SLC24A2: variants seen among roughly 807,000 people sequenced by gnomAD.
SLC24A2 encodes the protein solute carrier family 24 member 2.
SLC24A2 carries 36 observed loss-of-function variants against 62.0 expected under a neutral mutation model. That is an observed-to-expected ratio of 0.58 (90% CI 0.44 to 0.77). The LOEUF is 0.77. Ranked by LOEUF, SLC24A2 falls within the 30% of genes least tolerant of loss-of-function variation. The pLI, the probability that SLC24A2 is intolerant of heterozygous loss-of-function variation, is 0.00. For synonymous variants in SLC24A2, 358 were observed against 294.0 expected (o/e 1.22, Z -2.23); for missense variants, 846 against 817.9 (o/e 1.03, Z -0.42).
the SLC24A2 span, among the ~76,000 whole-genome samples, chr9:20,124,056 T>C: frequency 4.6e-5 from 7 of 152,334 alleles, no homozygotes; most frequent in African/African-American, 1.4e-4. Context: ...GTGAATGCAC[T>C]GAAATGAGTT....
At chr9:19,933,345 T>G in the SLC24A2 span, among the ~76,000 whole-genome samples, 2 of 152,192 alleles carry the variant, frequency 1.3e-5, no homozygotes, top group Admixed American at 1.3e-4. Context: ...AGATCACAAG[T>G]TAAGAACTTC....
the SLC24A2 span, among the ~76,000 whole-genome samples, chr9:20,167,299 A>G: frequency 1.4e-5 from 2 of 139,948 alleles, no homozygotes; most frequent in Admixed American, 6.8e-5. Context: ...TCTGTGTAGC[A>G]ATTCTGAAAA....
chr9:19,636,359 CTTT>C lies in SLC24A2; in HGVS notation c.931-14063_931-14061del, dbSNP rs1818345247. On this transcript the variant is annotated intron_variant, in intron 2 of 10. Coordinates refer to ENST00000341998, the MANE Select transcript of SLC24A2 (RefSeq NM_020344.4). ...TCTTTCTTTCTTTCTTTCTTTCTTT[CTTT>C]CTTTCTTTCTTTCTTTCTTTCTTTC... 3.6e-4 allele frequency among the ~76,000 whole-genome samples: 13 copies of C among 36,522 alleles called. 2 individuals are homozygous for C. The highest frequency in any genetic ancestry group is 6.7e-4 in the Admixed American group (2 of 3,002). 24.0% of individuals were successfully genotyped at this position (36,522 alleles called of 152,430 possible).
At chr9:20,000,426 G>T in the SLC24A2 span, among the ~76,000 whole-genome samples, 3,240 of 152,206 alleles carry the variant, frequency 0.021, 123 homozygotes, top group African/African-American at 0.073. Context: ...CCTTCAACTG[G>T]AGTTTCAGAG....
At chr9:19,794,143 C>T in the SLC24A2 span, among the ~76,000 whole-genome samples, 4 of 152,230 alleles carry the variant, frequency 2.6e-5, no homozygotes, top group Non-Finnish European at 5.9e-5. Flanking sequence ...CCAACCCCTA[C>T]ATGATTGCTC....
chr9:19,951,276 T>C, the SLC24A2 span, among the ~76,000 whole-genome samples: 1 of 151,692 alleles, frequency 6.6e-6, no homozygotes, highest in African/African-American at 2.4e-5. Context: ...TAACATATTC[T>C]GGATATTTTT....
chr9:20,142,770 A>T, the SLC24A2 span, among the ~76,000 whole-genome samples: 5 of 152,024 alleles, frequency 3.3e-5, no homozygotes, highest in Non-Finnish European at 7.4e-5. Context: ...TAATTTTTGT[A>T]TTTTTTGTAG....
the SLC24A2 span, among the ~76,000 whole-genome samples, chr9:20,178,530 G>T: frequency 6.6e-6 from 1 of 152,134 alleles, no homozygotes; most frequent in African/African-American, 2.4e-5. Flanking sequence ...ACAAATGCTA[G>T]CTGTGGGTTT....
the SLC24A2 span, among the ~76,000 whole-genome samples, chr9:20,231,932 T>C: frequency 6.6e-6 from 1 of 152,056 alleles, no homozygotes; most frequent in African/African-American, 2.4e-5. Context: ...TTATTGAGAG[T>C]TTTTAGCATG....
chr9:19,970,161 C>G, the SLC24A2 span, among the ~76,000 whole-genome samples: 1 of 152,128 alleles, frequency 6.6e-6, no homozygotes, highest in African/African-American at 2.4e-5. Flanking sequence ...ACAGATATGA[C>G]CAGGTAGCTC....
intron 2 of SLC24A2, among the ~76,000 whole-genome samples, chr9:19,667,646 C>A (rs1350700456): frequency 6.6e-6 from 1 of 152,136 alleles, no homozygotes; most frequent in African/African-American, 2.4e-5. Flanking sequence ...CCCAGTGAAG[C>A]ACTGGCCCCA....
At chr9:19,636,873 A>G (rs1818371746) in intron 2 of SLC24A2, among the ~76,000 whole-genome samples, 1 of 152,140 alleles carries the variant, frequency 6.6e-6, no homozygotes, top group Admixed American at 6.5e-5. Context: ...CTTCCATCGG[A>G]GTCTTAAAAG....
chr9:19,557,857 C>T (rs1208668702), intron 7 of SLC24A2, among the ~76,000 whole-genome samples: 1 of 148,994 alleles, frequency 6.7e-6, no homozygotes, highest in Non-Finnish European at 1.5e-5. Context: ...GTCACCTAGA[C>T]TAGAGTGCTA....
chr9:19,735,836 C>T (rs2118740261), intron 2 of SLC24A2, among the ~76,000 whole-genome samples: 1 of 144,612 alleles, frequency 6.9e-6, no homozygotes, highest in East Asian at 2.0e-4. Flanking sequence ...GGAAGGGGAA[C>T]ATCACACACT....
the SLC24A2 span, among the ~76,000 whole-genome samples, chr9:20,280,049 T>A: frequency 5.9e-5 from 9 of 152,080 alleles, no homozygotes; most frequent in African/African-American, 2.2e-4. Flanking sequence ...GCGGGAAAAA[T>A]AGGCTATTGC....
At chr9:19,542,289 T>C (rs1056753051) in intron 8 of SLC24A2, among the ~76,000 whole-genome samples, 3 of 152,230 alleles carry the variant, frequency 2.0e-5, no homozygotes, top group African/African-American at 7.2e-5. Flanking sequence ...TGCACATTGA[T>C]ATTGTATCCT....
chr9:19,713,571 A>G (rs1820776005), intron 2 of SLC24A2, among the ~76,000 whole-genome samples: 2 of 152,028 alleles, frequency 1.3e-5, no homozygotes, highest in Non-Finnish European at 2.9e-5. Flanking sequence ...TTTAACATTG[A>G]TGTCTATTTG....
At chr9:19,536,157 T>A (rs913768333) in intron 8 of SLC24A2, among the ~76,000 whole-genome samples, 3 of 151,338 alleles carry the variant, frequency 2.0e-5, no homozygotes, top group Non-Finnish European at 2.9e-5. Context: ...TTTTTTTTTT[T>A]ATCTGATTCT....
the SLC24A2 span, among the ~76,000 whole-genome samples, chr9:20,010,820 T>C: frequency 0.02 from 2,844 of 142,152 alleles, 80 homozygotes; most frequent in African/African-American, 0.069. Flanking sequence ...CCAAGTGTTC[T>C]CATTGTTCAA....
Sources: gnomAD v4.1 joint callset for allele counts (sites outside exome capture counted in the v4.1 genomes callset) on GRCh38, gnomAD v4.1.1 for gene constraint, MANE v1.5 for transcripts, NCBI Gene and HGNC (gene_info 2026-07-23, HGNC 2026-07-21) for gene names.